UCN3: variants seen among roughly 807,000 people sequenced by gnomAD.
UCN3 encodes the protein urocortin 3, also known as urocortin-3.
Under a neutral mutation model 3.6 loss-of-function variants are expected in UCN3, and 3 were observed. The ratio of observed to expected loss-of-function variants is 0.83; its 90% CI spans 0.38 to 2.15. The LOEUF (loss-of-function observed/expected upper bound fraction) is 2.15, where lower values mean the gene tolerates loss of function less well. Among genes scored for constraint, UCN3 ranks in the 30% most tolerant of loss-of-function variants. UCN3 has a pLI of 0.06. For synonymous variants in UCN3, 100 were observed against 93.2 expected (o/e 1.07, Z -0.42); for missense variants, 206 against 208.3 (o/e 0.99, Z 0.07).
rs1554811847 is a variant in UCN3, at chr10:5,374,270, A to AGGGGGGGAGGGGAGGGCGAGG, written c.*80_*81insCGAGGGGGGGGGAGGGGAGGG. The AGGGGGGGAGGGGAGGGCGAGG allele has an allele frequency of 7.0e-5, 1 of 14,372 alleles. No individual in the cohort carries two copies. The highest frequency in any genetic ancestry group is 4.7e-4 in the African/African-American group (1 of 2,134). The allele number at this position is 14,372 out of a possible 1,614,324, so 0.9% of individuals were successfully genotyped here. A position where few individuals can be genotyped will look rare whatever the true frequency, so the allele number is the denominator to read the frequency against. ...GGGAGGGGAGGGGGAGGGGAGGGCG[A>AGGGGGGGAGGGGAGGGCGAGG]GGGGGGGAGGGGAGGGGGAGGGTGC... On this transcript the variant is annotated 3_prime_UTR_variant, in exon 2 of 2. Transcript: ENST00000380433.
intron 1 of UCN3, among the ~76,000 whole-genome samples, chr10:5,369,917 G>GCGTGTGTATA: frequency 8.0e-6 from 1 of 125,724 alleles, no homozygotes; most frequent in Non-Finnish European, 1.6e-5. Context: ...GTGTGTATAT[G>GCGTGTGTATA]TGTGTGTATG....
intron 1 of UCN3, among the ~76,000 whole-genome samples, chr10:5,370,540 C>CGTGTGTGTATGCGT (rs1311682294): frequency 4.7e-4 from 10 of 21,190 alleles, no homozygotes; most frequent in Admixed American, 3.0e-3. Context: ...TGTGTATATG[C>CGTGTGTGTATGCGT]GTGTATATGT....
At chr10:5,370,201 ATGCGTGTGTATGTGTGTGTATG>A (rs1831345936) in intron 1 of UCN3, among the ~76,000 whole-genome samples, 1 of 6,708 alleles carries the variant, frequency 1.5e-4, no homozygotes, top group Non-Finnish European at 2.5e-4. Context: ...GCGTGTGTAT[ATGCGTGTGTATGTGTGTGTATG>A]TGCGTGTGTG....
intron 1 of UCN3, among the ~76,000 whole-genome samples, chr10:5,369,869 GTGTATATGTGTGTGTATA>G (rs1831314914): frequency 7.1e-6 from 1 of 140,528 alleles, no homozygotes; most frequent in South Asian, 2.5e-4. Flanking sequence ...GTGGGTGTGT[GTGTATATGTGTGTGTATA>G]TGTGTGTGTG....
Position 5,370,863 on chromosome 10 carries a change from G to A in UCN3, c.-6-2852G>A, listed in dbSNP as rs1348728737. 8.0e-5 allele frequency among the ~76,000 whole-genome samples: 9 copies of A among 113,074 alleles called. 1 individual carries two copies. The highest frequency in any genetic ancestry group is 1.4e-4 in the Non-Finnish European group (8 of 55,268). 74.2% of individuals were successfully genotyped at this position (113,074 alleles called of 152,430 possible). A position where few individuals can be genotyped will look rare whatever the true frequency, so the allele number is the denominator to read the frequency against. On this transcript the variant is annotated intron_variant, in intron 1 of 1. Coordinates refer to ENST00000380433, the MANE Select transcript of UCN3 (RefSeq NM_053049.4). ...CGCGTGTGTGTGCGCGTGTGTGTGC[G>A]TGTGTATGTGTGTGTATATGCGTGT...
chr10:5,374,114 A>C lies in UCN3; in HGVS notation c.394A>C (p.Asn132His), dbSNP rs1554811809. ...CCTCGACGTCCCCACCAACATCATGAACCTCCTCTTCAACATCGCCAAGGC... is the reference window on the plus strand; with the variant it reads ...CCTCGACGTCCCCACCAACATCATGCACCTCCTCTTCAACATCGCCAAGGC... ...LSLDVPTNIM[N>H]LLFNIAKAKN... The change falls in exon 2 of 2, where the codon AAC (asparagine) becomes CAC (histidine). Residue 132 changes from asparagine to histidine, a missense_variant. Transcript: ENST00000380433. 1 of 1,613,618 alleles carries C rather than the reference A, an allele frequency of 6.2e-7. No individual in the cohort carries two copies.
In UCN3 at chr10:5,367,503, G is replaced by T. The variant is rs1834128412; in HGVS notation, c.-7+2273G>T. Among the ~76,000 whole-genome samples the T allele has an allele frequency of 6.6e-6, 1 of 152,200 alleles. No homozygotes were observed. The highest frequency in any genetic ancestry group is 2.1e-4 in the South Asian group (1 of 4,824). On this transcript the variant is annotated intron_variant, in intron 1 of 1. Coordinates refer to ENST00000380433, the MANE Select transcript of UCN3 (RefSeq NM_053049.4). This position sits in a 1 kb window ranked among gnomAD's most constrained non-coding sequence, Gnocchi z 4.3. ...TTCAACAAATATTGATTGAGAATAT[G>T]ATTTAGTATAAGGCACTATTGGCCA...
intron 1 of UCN3, among the ~76,000 whole-genome samples, chr10:5,372,004 C>T (rs981083735): frequency 2.6e-5 from 4 of 152,208 alleles, no homozygotes; most frequent in Admixed American, 1.3e-4. Context: ...ATCCTCACAC[C>T]GCAATGAGAG....
rs1201395523 is a variant in UCN3, at chr10:5,374,268, C to T, written c.*62C>T. 142 of 12,706 alleles carry T rather than the reference C, an allele frequency of 0.011. No individual in the cohort carries two copies. Among genetic ancestry groups the T allele is most frequent in the Non-Finnish European group, 0.013 (94 of 6,992 alleles). 0.8% of individuals were successfully genotyped at this position (12,706 alleles called of 1,614,324 possible). ...GGGGGAGGGGAGGGGGAGGGGAGGG[C>T]GAGGGGGGGAGGGGAGGGGGAGGGT... On this transcript the variant is annotated 3_prime_UTR_variant, in exon 2 of 2. Transcript: ENST00000380433.
At chr10:5,370,713 TG>T (rs1831389450) in intron 1 of UCN3, among the ~76,000 whole-genome samples, 1 of 87,172 alleles carries the variant, frequency 1.1e-5, no homozygotes. Flanking sequence ...GTGTATATGA[TG>T]TGTGTGTATA....
intron 1 of UCN3, among the ~76,000 whole-genome samples, chr10:5,372,464 T>C (rs1476880501): frequency 1.3e-5 from 2 of 152,214 alleles, no homozygotes; most frequent in Non-Finnish European, 2.9e-5. Context: ...CTATGACGCT[T>C]AAAGCCTGAA....
At chr10:5,369,939 A>ATG (rs1182036788) in intron 1 of UCN3, among the ~76,000 whole-genome samples, 3 of 66,030 alleles carry the variant, frequency 4.5e-5, no homozygotes, top group Admixed American at 2.8e-4. Flanking sequence ...GTGTGTGTGT[A>ATG]TGTGTGTGTA....
At chr10:5,373,314 A>G (rs1390370217) in intron 1 of UCN3, among the ~76,000 whole-genome samples, 2 of 152,208 alleles carry the variant, frequency 1.3e-5, no homozygotes, top group East Asian at 3.8e-4. Flanking sequence ...ACTTACCATT[A>G]AAATCAACTA....
At chr10:5,373,620 GAACATTAAC>G in intron 1 of UCN3, 86 bp from the exon 2 acceptor site, 1 of 1,515,854 alleles carries the variant, frequency 6.6e-7, no homozygotes, top group Non-Finnish European at 8.8e-7. Flanking sequence ...CCTTGTAGTG[GAACATTAAC>G]AACACCCTAG....
chr10:5,370,827 G>GTGTATA (rs1564443615), intron 1 of UCN3, among the ~76,000 whole-genome samples: 13 of 82,648 alleles, frequency 1.6e-4, no homozygotes, highest in African/African-American at 6.5e-4. Flanking sequence ...GTGTGTGCGC[G>GTGTATA]CGTGTGTGTG....
At chr10:5,369,291 ACTTCTGAAAAGGTTGTGTGCAGACCAGAT>A (rs1588398636) in intron 1 of UCN3, among the ~76,000 whole-genome samples, 2 of 152,306 alleles carry the variant, frequency 1.3e-5, no homozygotes, top group East Asian at 3.9e-4. Flanking sequence ...TGTAAAATGC[ACTTCTGAAAAGGTTGTGTGCAGACCAGAT>A]CTTCTCCTAA....
In UCN3 at chr10:5,365,917, G is replaced by A. The variant is rs1397824181; in HGVS notation, c.-7+687G>A. 2.6e-5 allele frequency among the ~76,000 whole-genome samples: 4 copies of A among 152,228 alleles called. No homozygotes were observed. The highest frequency in any genetic ancestry group is 9.6e-5 in the African/African-American group (4 of 41,456). ...CCTACAATGGCTAACTCCTACCTGT[G>A]AAGGGGAGATGGATGTTTGATGTTT... On this transcript the variant is annotated intron_variant, in intron 1 of 1. Coordinates refer to ENST00000380433, the MANE Select transcript of UCN3 (RefSeq NM_053049.4). This position sits in a 1 kb window ranked among gnomAD's most constrained non-coding sequence, Gnocchi z 4.4.
intron 1 of UCN3, among the ~76,000 whole-genome samples, chr10:5,369,883 G>GTGTC (rs1456723577): frequency 4.0e-5 from 4 of 99,474 alleles, no homozygotes; most frequent in Admixed American, 3.9e-4. Context: ...ATATGTGTGT[G>GTGTC]TATATGTGTG....
At chr10:5,369,862 G>GGTGTGTGTGTGTGTGT (rs1348226825) in intron 1 of UCN3, among the ~76,000 whole-genome samples, 5 of 99,570 alleles carry the variant, frequency 5.0e-5, no homozygotes, top group African/African-American at 1.9e-4. Context: ...TATCCACGTG[G>GGTGTGTGTGTGTGTGT]GTGTGTGTGT....
Sources: allele counts gnomAD v4.1 joint callset (sites outside exome capture counted in the v4.1 genomes callset), GRCh38; gene constraint gnomAD v4.1.1; non-coding constraint Gnocchi (gnomAD v3.1); transcripts MANE v1.5; gene names NCBI Gene and HGNC (gene_info 2026-07-23, HGNC 2026-07-21).